The following MED12L variants were observed in gnomAD, a reference collection of about 807,000 sequenced individuals.
MED12L encodes the protein mediator of RNA polymerase II transcription subunit 12-like protein.
Under a neutral mutation model 281.3 loss-of-function variants are expected in MED12L, and 60 were observed. The ratio of observed to expected loss-of-function variants is 0.21; its 90% confidence interval spans 0.17 to 0.26. The LOEUF (loss-of-function observed/expected upper bound fraction) is 0.26, where lower values mean the gene tolerates loss of function less well. Ranked by LOEUF, MED12L falls within the 10% of genes least tolerant of loss-of-function variation. The probability of loss-of-function intolerance (pLI) is 1.00; values close to 1 mark genes in which losing one functional copy is unlikely to be tolerated. For synonymous variants in MED12L, 974 were observed against 987.2 expected (o/e 0.99, Z 0.25); for missense variants, 2,146 against 2,680.9 (o/e 0.80, Z 4.41).
intron 16 of MED12L, among the ~76,000 whole-genome samples, chr3:151,330,461 T>C (rs554202831): frequency 6.6e-6 from 1 of 152,342 alleles, no homozygotes; most frequent in Non-Finnish European, 1.5e-5. Flanking sequence ...AAAGATGTAA[T>C]GGTGCTTTTG....
chr3:151,243,592 G>A (rs1444673414), intron 16 of MED12L, among the ~76,000 whole-genome samples: 1 of 151,568 alleles, frequency 6.6e-6, no homozygotes, highest in Non-Finnish European at 1.5e-5. Flanking sequence ...CACCAGGCCT[G>A]CCCTAAAAGA....
intron 16 of MED12L, among the ~76,000 whole-genome samples, chr3:151,307,531 C>CTG (rs1560009512): frequency 8.3e-6 from 1 of 120,414 alleles, no homozygotes; most frequent in Non-Finnish European, 1.7e-5. Context: ...AGGTAACTTG[C>CTG]TCTGTGTGTG....
At chr3:151,090,205 C>T (rs1719849316) in intron 2 of MED12L, among the ~76,000 whole-genome samples, 2 of 152,254 alleles carry the variant, frequency 1.3e-5, no homozygotes, top group Admixed American at 1.3e-4. Flanking sequence ...CTTATTCTCC[C>T]TATACTTCAT....
At chr3:151,149,536 G>C (rs1435773971) in intron 5 of MED12L, among the ~76,000 whole-genome samples, 1 of 152,078 alleles carries the variant, frequency 6.6e-6, no homozygotes, top group Non-Finnish European at 1.5e-5. Context: ...CTTGCCTCAG[G>C]GTTGATGGCT....
intron 41 of MED12L, 88 bp downstream of exon 41, chr3:151,411,595 T>C (rs1716945433): frequency 8.4e-7 from 1 of 1,194,766 alleles, no homozygotes; most frequent in Non-Finnish European, 1.2e-6. Flanking sequence ...TACTTTATCA[T>C]TGTTTTTATG....
chr3:151,210,511 T>C (rs78462615), intron 16 of MED12L, among the ~76,000 whole-genome samples: 8,573 of 152,290 alleles, frequency 0.056, 722 homozygotes, highest in African/African-American at 0.18. Context: ...GTTTCTTTAT[T>C]ACTCTTATCT....
At position 151,233,456 on chromosome 3, in the gene MED12L, G is replaced by A. The variant is rs545590664; in HGVS notation, c.2250+39790G>A. 7.2e-5 allele frequency among the ~76,000 whole-genome samples: 11 copies of A among 152,358 alleles called. No individual in the cohort carries two copies. In the South Asian group the frequency reaches 1.4e-3, roughly 20 times the overall value. On this transcript the variant is annotated intron_variant, in intron 16 of 44. Coordinates refer to ENST00000687756, the MANE Select transcript of MED12L (RefSeq NM_001393769.1). Reference sequence around the variant, plus strand: ...AACAAAAAGAACATAGCACTGGGCCGGGCGTGATGGCTCCCGCCTGTAATC... The same window carrying A: ...AACAAAAAGAACATAGCACTGGGCCAGGCGTGATGGCTCCCGCCTGTAATC...
At chr3:151,320,694 G>A (rs1361391296) in intron 16 of MED12L, among the ~76,000 whole-genome samples, 1 of 152,188 alleles carries the variant, frequency 6.6e-6, no homozygotes, top group African/African-American at 2.4e-5. Context: ...GATTGAGTCT[G>A]GAGATAAGGC....
At chr3:151,360,930 A>G (rs1295419563) in intron 21 of MED12L, among the ~76,000 whole-genome samples, 1 of 152,120 alleles carries the variant, frequency 6.6e-6, no homozygotes, top group Non-Finnish European at 1.5e-5. Context: ...CAGACAGTGC[A>G]TTTTAAGTAA....
intron 36 of MED12L, 94 bp from the exon 37 acceptor site, chr3:151,387,716 C>G: frequency 6.8e-7 from 1 of 1,466,994 alleles, no homozygotes; most frequent in Non-Finnish European, 9.2e-7. Flanking sequence ...TCATGCCAGC[C>G]AAAGTGTTCT....
chr3:151,229,194 C>G (rs1432410058), intron 16 of MED12L, among the ~76,000 whole-genome samples: 2 of 152,146 alleles, frequency 1.3e-5, no homozygotes, highest in African/African-American at 2.4e-5. Flanking sequence ...CATATACTCT[C>G]TAACCCAAAG....
intron 43 of MED12L, among the ~76,000 whole-genome samples, chr3:151,429,808 C>T (rs952023876): frequency 2.6e-5 from 4 of 152,204 alleles, no homozygotes; most frequent in Non-Finnish European, 5.9e-5. Context: ...CCTTCATCCT[C>T]CATCATATGG....
intron 16 of MED12L, chr3:151,327,460 A>C (rs1749758742): frequency 6.6e-6 from 1 of 152,210 alleles, no homozygotes; most frequent in South Asian, 2.1e-4. Context: ...TCCTTTACCC[A>C]GGATTTCAGA....
chr3:151,209,730 G>A (rs1359945547), intron 16 of MED12L, among the ~76,000 whole-genome samples: 1 of 152,042 alleles, frequency 6.6e-6, no homozygotes, highest in East Asian at 1.9e-4. Flanking sequence ...GATACAGATG[G>A]CAGCGATAGG....
In MED12L at chr3:151,190,584, T is replaced by C. The variant is rs190984306; in HGVS notation, c.1754-133T>C. The C allele has an allele frequency of 3.2e-3, 2,627 of 818,758 alleles. 10 individuals carry two copies. Among genetic ancestry groups the C allele is most frequent in the South Asian group, 8.0e-3 (445 of 55,776 alleles). 50.7% of individuals were successfully genotyped at this position (818,758 alleles called of 1,614,324 possible). On this transcript the variant is annotated intron_variant, in intron 13 of 44. Coordinates refer to ENST00000687756, the MANE Select transcript of MED12L (RefSeq NM_001393769.1). ...TCTGCCCAAAATGCTAGTGCCTCAG[T>C]AAATCTTCCAATAGATCTTTTTTTT...
Position 151,127,991 on chromosome 3 carries a change from G to A in MED12L, c.556+7G>A. 1 of 1,609,676 alleles carries A rather than the reference G, an allele frequency of 6.2e-7. No homozygotes were observed. Among genetic ancestry groups the A allele is most frequent in the Non-Finnish European group, 8.5e-7 (1 of 1,177,332 alleles). ...GCTCCTGATCCGAATTTGGGTAAGT[G>A]AGAGAATACAATACACCTTACATTT... On this transcript the variant is annotated splice_region_variant and intron_variant, in intron 5 of 44. Transcript: ENST00000687756.
intron 5 of MED12L, among the ~76,000 whole-genome samples, chr3:151,154,026 G>T (rs1050479503): frequency 3.3e-5 from 5 of 152,086 alleles, no homozygotes; most frequent in African/African-American, 1.2e-4. Flanking sequence ...AAATAGGCCC[G>T]TCTGGCCACT....
chr3:151,403,174 T>G (rs1028736537), intron 39 of MED12L, among the ~76,000 whole-genome samples: 4 of 152,214 alleles, frequency 2.6e-5, no homozygotes, highest in Admixed American at 6.5e-5. Flanking sequence ...ATGAATGCAT[T>G]GACCATGTTT....
intron 14 of MED12L, among the ~76,000 whole-genome samples, chr3:151,192,085 T>C (rs9917673): frequency 0.085 from 13,012 of 152,244 alleles, 1,283 homozygotes; most frequent in African/African-American, 0.23. Flanking sequence ...TATTTAAACA[T>C]TTGTCTTAAT....
Sources: allele counts gnomAD v4.1 joint callset (sites outside exome capture counted in the v4.1 genomes callset), GRCh38; gene constraint gnomAD v4.1.1; transcripts MANE v1.5; gene names NCBI Gene and HGNC (gene_info 2026-07-23, HGNC 2026-07-21).